Variants in CCSER1 observed in about 807,000 individuals in gnomAD.
CCSER1 encodes the protein serine-rich coiled-coil domain-containing protein 1.
Under a neutral mutation model 82.0 loss-of-function variants are expected in CCSER1, and 41 were observed. The ratio of observed to expected loss-of-function variants is 0.50; its 90% confidence interval spans 0.39 to 0.65. The LOEUF is 0.65. Among genes scored for constraint, CCSER1 ranks in the 30% least tolerant of loss-of-function variants. The pLI is 0.00. For synonymous variants in CCSER1, 414 were observed against 383.9 expected (o/e 1.08, Z -0.92); for missense variants, 1,119 against 1,064.2 (o/e 1.05, Z -0.72).
chr4:90,328,838 T>C (rs1656602932), intron 3 of CCSER1, among the ~76,000 whole-genome samples: 1 of 152,066 alleles, frequency 6.6e-6, no homozygotes, highest in South Asian at 2.1e-4. Flanking sequence ...AGGGCATGTG[T>C]TGGGGAGGGG....
rs185422000 is a variant in CCSER1 at position 91,024,690 on chromosome 4, G to A, written c.2173-61260G>A. On this transcript the variant is annotated intron_variant, in intron 9 of 10. Coordinates refer to ENST00000509176, the MANE Select transcript of CCSER1 (RefSeq NM_001145065.2). ...TATTTCAGTTCTCTAATTCAAAATA[G>A]GATTAATATATGCAAATTTTGTTCA... Among the ~76,000 whole-genome samples the A allele has an allele frequency of 3.6e-3, 544 of 151,892 alleles. 1 individual carries two copies. The highest frequency in any genetic ancestry group is 4.8e-3 in the Admixed American group (73 of 15,250).
chr4:91,355,309 T>C (rs889851317), intron 10 of CCSER1, among the ~76,000 whole-genome samples: 1 of 152,144 alleles, frequency 6.6e-6, no homozygotes, highest in Non-Finnish European at 1.5e-5. Flanking sequence ...GGTTACATTT[T>C]TGGGGGCCCC....
intron 1 of CCSER1, among the ~76,000 whole-genome samples, chr4:90,135,811 C>G (rs1279772765): frequency 6.6e-6 from 1 of 152,128 alleles, no homozygotes; most frequent in Non-Finnish European, 1.5e-5. Flanking sequence ...TGAAGTCCGT[C>G]AGTTTCAAAA....
chr4:90,577,170 T>G (rs955798233), intron 5 of CCSER1, among the ~76,000 whole-genome samples: 1 of 152,160 alleles, frequency 6.6e-6, no homozygotes, highest in Non-Finnish European at 1.5e-5. Flanking sequence ...GTATATCTTT[T>G]TGTTGACGTA....
intron 10 of CCSER1, among the ~76,000 whole-genome samples, chr4:91,317,965 T>G (rs1005874574): frequency 6.6e-6 from 1 of 151,992 alleles, no homozygotes; most frequent in Non-Finnish European, 1.5e-5. Flanking sequence ...TGTTTTGAAC[T>G]TAATGAGATG....
intron 10 of CCSER1, among the ~76,000 whole-genome samples, chr4:91,143,686 T>C (rs1046678699): frequency 5.3e-5 from 8 of 151,988 alleles, no homozygotes; most frequent in African/African-American, 1.9e-4. Flanking sequence ...AATCATGAAG[T>C]GGTGTTGTAT....
intron 6 of CCSER1, among the ~76,000 whole-genome samples, chr4:90,669,716 T>G (rs1732450592): frequency 6.6e-6 from 1 of 152,090 alleles, no homozygotes; most frequent in South Asian, 2.1e-4. Flanking sequence ...GAGTTCTCTC[T>G]TCAACCTTTT....
chr4:91,289,420 G>A (rs1392213488), intron 10 of CCSER1, among the ~76,000 whole-genome samples: 2 of 151,978 alleles, frequency 1.3e-5, no homozygotes, highest in Non-Finnish European at 2.9e-5. Context: ...TTAACAAGGG[G>A]AATTAAAATA....
At chr4:91,183,640 T>C (rs928996309) in intron 10 of CCSER1, among the ~76,000 whole-genome samples, 3 of 152,076 alleles carry the variant, frequency 2.0e-5, no homozygotes, top group South Asian at 4.1e-4. Flanking sequence ...GGAGTTAGAG[T>C]CCGTGAATTA....
At chr4:91,028,803 A>G (rs1177435525) in intron 9 of CCSER1, among the ~76,000 whole-genome samples, 2 of 152,044 alleles carry the variant, frequency 1.3e-5, no homozygotes, top group African/African-American at 4.8e-5. Context: ...TGTTGGTTTG[A>G]GACAGATGCA....
intron 1 of CCSER1, among the ~76,000 whole-genome samples, chr4:90,195,302 G>A (rs1736399547): frequency 6.6e-6 from 1 of 152,032 alleles, no homozygotes; most frequent in Non-Finnish European, 1.5e-5. Context: ...TAAAGACGTG[G>A]TGGGTGGAGT....
intron 1 of CCSER1, among the ~76,000 whole-genome samples, chr4:90,187,108 A>T (rs536536960): frequency 6.6e-6 from 1 of 152,044 alleles, no homozygotes; most frequent in Admixed American, 6.6e-5. Flanking sequence ...TAGAATCCTA[A>T]CCTTATTTAA....
chr4:91,536,867 T>C (rs1761324789), intron 10 of CCSER1, among the ~76,000 whole-genome samples: 1 of 152,106 alleles, frequency 6.6e-6, no homozygotes, highest in African/African-American at 2.4e-5. Flanking sequence ...AAAAATATCT[T>C]GCTCTGAGCC....
At chr4:90,787,193 G>A (rs1022863640) in intron 7 of CCSER1, among the ~76,000 whole-genome samples, 3 of 152,168 alleles carry the variant, frequency 2.0e-5, no homozygotes, top group Non-Finnish European at 4.4e-5. Flanking sequence ...TCCAGGATAT[G>A]AGGTGGGACC....
chr4:90,536,860 G>A (rs1421745431), intron 5 of CCSER1, among the ~76,000 whole-genome samples: 1 of 152,092 alleles, frequency 6.6e-6, no homozygotes, highest in Non-Finnish European at 1.5e-5. Context: ...ATTCTTTTAG[G>A]AAGACTGATG....
chr4:90,202,358 A>G lies in CCSER1; in HGVS notation c.-42+74527A>G, dbSNP rs149618606. ...GCTGGGATTACAGGCACCCGTCACC[A>G]TGCCTGGCTAACTTTGGTATTTTTA... On this transcript the variant is annotated intron_variant, in intron 1 of 10. Transcript: ENST00000509176. 8.9e-3 allele frequency among the ~76,000 whole-genome samples: 1,347 copies of G among 152,152 alleles called. 46 individuals are homozygous for G. The East Asian group carries it at 0.13, about 15-fold the overall frequency.
chr4:90,845,756 T>C (rs977285012), intron 8 of CCSER1, among the ~76,000 whole-genome samples: 2 of 151,836 alleles, frequency 1.3e-5, no homozygotes, highest in South Asian at 4.2e-4. Context: ...TTTCAGTATG[T>C]GAACATATCA....
intron 3 of CCSER1, among the ~76,000 whole-genome samples, chr4:90,398,106 A>G (rs991303940): frequency 2.0e-5 from 3 of 152,090 alleles, no homozygotes; most frequent in South Asian, 2.1e-4. Flanking sequence ...CAAATGACCT[A>G]TCTTCCCTCC....
At chr4:90,483,128 G>A (rs182790100) in intron 5 of CCSER1, among the ~76,000 whole-genome samples, 1 of 152,218 alleles carries the variant, frequency 6.6e-6, no homozygotes, top group East Asian at 1.9e-4. Flanking sequence ...ATTATGTAAT[G>A]GCCTTCTTTG....
Sources: gnomAD v4.1 joint callset for allele counts (sites outside exome capture counted in the v4.1 genomes callset) on GRCh38, gnomAD v4.1.1 for gene constraint, MANE v1.5 for transcripts, NCBI Gene and HGNC (gene_info 2026-07-23, HGNC 2026-07-21) for gene names.